Variants in ADGRA1 observed in about 807,000 individuals in gnomAD.
ADGRA1 encodes the protein adhesion G protein-coupled receptor A1.
A neutral mutation model predicts 21.3 loss-of-function variants in ADGRA1; 12 were observed. The observed-to-expected ratio is 0.56, with a 90% CI of 0.36 to 0.91. The LOEUF (loss-of-function observed/expected upper bound fraction) is 0.91. Among genes scored for constraint, ADGRA1 ranks in the 40% least tolerant of loss-of-function variants. The pLI is 0.01. For synonymous variants in ADGRA1, 385 were observed against 368.8 expected, an observed-to-expected ratio of 1.04 and a Z score of -0.50; for missense variants, 790 against 805.6, an observed-to-expected ratio of 0.98 and a Z score of 0.23.
At chr10:133,126,095 C>G (rs374828654) in intron 5 of ADGRA1, among the ~76,000 whole-genome samples, 3 of 152,230 alleles carry the variant, frequency 2.0e-5, no homozygotes, top group Admixed American at 6.5e-5. Flanking sequence ...TGGTGAAGTC[C>G]GCAGCACGGA....
intron 5 of ADGRA1, among the ~76,000 whole-genome samples, chr10:133,111,165 CCTGCCCGCCGT>C (rs1317927572): frequency 6.7e-6 from 1 of 148,752 alleles, no homozygotes; most frequent in South Asian, 2.1e-4. Context: ...CACCAGACCA[CCTGCCCGCCGT>C]GAGCACCTCC....
intron 5 of ADGRA1, among the ~76,000 whole-genome samples, chr10:133,112,017 A>T (rs77085481): frequency 4.4e-5 from 1 of 22,804 alleles, no homozygotes; most frequent in Non-Finnish European, 7.7e-5. Flanking sequence ...TGCCCACCAC[A>T]GACACCTCCC....
At chr10:133,103,002 C>T (rs1007139271) in intron 5 of ADGRA1, among the ~76,000 whole-genome samples, 160 bp downstream of exon 5, 3 of 149,540 alleles carry the variant, frequency 2.0e-5, no homozygotes, top group East Asian at 2.0e-4. Context: ...GGAGAGCGGG[C>T]GACGGATCTG....
rs1591193022 is a variant in ADGRA1, at chr10:133,129,252, G to A, written c.1424G>A (p.Gly475Asp). The change falls in exon 7 of 7, where the codon GGC (glycine) becomes GAC (aspartate). Residue 475 changes from glycine (G) to aspartate (D), a missense_variant. Transcript: ENST00000392607. Reference sequence around the variant, plus strand: ...CACACGCTGGCCTGCTGCACCCAGGGCGACCCCTTCCCCATGGTCACCCAG... The same window carrying A: ...CACACGCTGGCCTGCTGCACCCAGGACGACCCCTTCCCCATGGTCACCCAG... Reference protein sequence around the residue: ...GTHTLACCTQGDPFPMVTQPE... With the variant: ...GTHTLACCTQDDPFPMVTQPE... 1.0e-5 allele frequency: 16 copies of A among 1,549,692 alleles called. No individual in the cohort carries two copies. Among genetic ancestry groups the A allele is most frequent in the Non-Finnish European group, 1.2e-5 (14 of 1,146,956 alleles).
At chr10:133,105,589 G>A (rs530584944) in intron 5 of ADGRA1, among the ~76,000 whole-genome samples, 4 of 152,326 alleles carry the variant, frequency 2.6e-5, no homozygotes, top group South Asian at 4.1e-4. Context: ...ATGTTGCTGC[G>A]CTGGTGTCCG....
intron 3 of ADGRA1, among the ~76,000 whole-genome samples, chr10:133,097,597 C>G (rs771514879): frequency 6.6e-6 from 1 of 152,302 alleles, no homozygotes; most frequent in South Asian, 2.1e-4. Flanking sequence ...TAGAGGCGCC[C>G]AGGGCCACAG....
At chr10:133,126,218 AAGTAC>A (rs529268641) in intron 5 of ADGRA1, among the ~76,000 whole-genome samples, 93 of 152,370 alleles carry the variant, frequency 6.1e-4, no homozygotes, top group Non-Finnish European at 1.2e-3. Flanking sequence ...ACATGTCCTG[AAGTAC>A]AGGTCGATAC....
chr10:133,102,422 G>C (rs547953107), intron 4 of ADGRA1: 64 of 585,324 alleles, frequency 1.1e-4, no homozygotes, highest in Admixed American at 2.8e-4. Flanking sequence ...GCATGCAGAG[G>C]GGCGTGAGTG....
intron 2 of ADGRA1, chr10:133,095,740 A>T (rs907326656): frequency 2.5e-6 from 4 of 1,598,388 alleles, no homozygotes; most frequent in South Asian, 1.1e-5. Flanking sequence ...GGAGGGAAGC[A>T]GGAGCTCTCG....
intron 2 of ADGRA1, among the ~76,000 whole-genome samples, chr10:133,092,531 C>T (rs1311172911): frequency 6.6e-6 from 1 of 152,170 alleles, no homozygotes; most frequent in Non-Finnish European, 1.5e-5. Flanking sequence ...TTCTCCTCTA[C>T]CTTCCACCTT....
intron 5 of ADGRA1, among the ~76,000 whole-genome samples, chr10:133,124,591 G>T (rs1452603550): frequency 6.6e-6 from 1 of 152,252 alleles, no homozygotes; most frequent in African/African-American, 2.4e-5. Flanking sequence ...TCTGCCTGGG[G>T]CTTAGACGGG....
At chr10:133,092,942 G>T (rs768024843) in intron 2 of ADGRA1, 235 of 1,568,404 alleles carry the variant, frequency 1.5e-4, no homozygotes, top group Non-Finnish European at 1.9e-4. Flanking sequence ...GAGGATATGT[G>T]TTCCTTCCTC....
At chr10:133,102,560 C>G (rs985094856) in intron 4 of ADGRA1, 137 bp from the exon 5 acceptor site, 5 of 1,039,506 alleles carry the variant, frequency 4.8e-6, no homozygotes, top group Non-Finnish European at 7.0e-6. Context: ...GTGGGGCGGC[C>G]GCTGCCTGCC....
At chr10:133,097,263 G>A (rs1851704951) in intron 3 of ADGRA1, among the ~76,000 whole-genome samples, 162 bp downstream of exon 3, 1 of 152,242 alleles carries the variant, frequency 6.6e-6, no homozygotes, top group Non-Finnish European at 1.5e-5. Flanking sequence ...TCAGCAGCCT[G>A]GTGCCCATCA....
chr10:133,106,227 TG>T (rs1226569516), intron 5 of ADGRA1, among the ~76,000 whole-genome samples: 5 of 152,074 alleles, frequency 3.3e-5, no homozygotes, highest in Non-Finnish European at 7.4e-5. Flanking sequence ...GCTTTGGATC[TG>T]GGGGGCGCCG....
In ADGRA1 at chr10:133,117,920, G is replaced by A. The variant is rs544915381; in HGVS notation, c.402-9313G>A. Among the ~76,000 whole-genome samples the A allele has an allele frequency of 5.3e-5, 8 of 152,288 alleles. No individual in the cohort carries two copies. In the South Asian group the frequency reaches 1.0e-3, roughly 20 times the overall value. On this transcript the variant is annotated intron_variant, in intron 5 of 6. Transcript: ENST00000392607. ...CATCCCTGCCCCTCCCTTTGCCCAC[G>A]TGCTGGTCGTCCCCCTGTCTGGGAC...
intron 2 of ADGRA1, chr10:133,095,528 G>C: frequency 8.2e-7 from 1 of 1,218,482 alleles, no homozygotes; most frequent in Non-Finnish European, 1.1e-6. Context: ...CCTCGCACAG[G>C]TCCAGGCTCC....
rs201686652 is a variant in ADGRA1, at chr10:133,095,774, G to A, written c.4-1200G>A. Reference sequence around the variant, plus strand: ...CGGGCCCGCTGGCTGCCTGCATCCCGACACAGGTGACACTGCCTCTGCCCA... The same window carrying A: ...CGGGCCCGCTGGCTGCCTGCATCCCAACACAGGTGACACTGCCTCTGCCCA... On this transcript the variant is annotated intron_variant, in intron 2 of 6. Transcript: ENST00000392607. 6.4e-4 allele frequency: 1,021 copies of A among 1,598,444 alleles called. 7 individuals are homozygous for A. The highest frequency in any genetic ancestry group is 4.9e-3 in the South Asian group (444 of 90,910).
chr10:133,107,666 C>A (rs1186831060), intron 5 of ADGRA1, among the ~76,000 whole-genome samples: 2 of 152,248 alleles, frequency 1.3e-5, no homozygotes, highest in African/African-American at 4.8e-5. Context: ...GCTTTTCCTG[C>A]ATCCCTGAGC....
Sources: allele counts gnomAD v4.1 joint callset (sites outside exome capture counted in the v4.1 genomes callset), GRCh38; gene constraint gnomAD v4.1.1; transcripts MANE v1.5; gene names NCBI Gene and HGNC (gene_info 2026-07-23, HGNC 2026-07-21).